The following POLR1B variants were observed in gnomAD, a reference collection of about 807,000 sequenced individuals.
POLR1B encodes the protein RNA polymerase I subunit B, also known as DNA-directed RNA polymerase I subunit RPA2.
A neutral mutation model predicts 105.8 loss-of-function variants in POLR1B; 30 were observed. That is an observed-to-expected ratio of 0.28 (90% CI 0.21 to 0.38). The LOEUF (loss-of-function observed/expected upper bound fraction) is 0.38, where lower values mean the gene tolerates loss of function less well. POLR1B is among the 10% of genes least tolerant of loss of function. The pLI is 1.00. For synonymous variants in POLR1B, 485 were observed against 505.1 expected (o/e 0.96, Z 0.53); for missense variants, 976 against 1,435.8 (o/e 0.68, Z 5.17).
intron 12 of POLR1B, among the ~76,000 whole-genome samples, chr2:112,571,929 G>A (rs1558665725): frequency 1.3e-5 from 2 of 152,190 alleles, no homozygotes; most frequent in Admixed American, 6.6e-5. Flanking sequence ...GGGGGTCTGC[G>A]TCTCATACTT....
Position 112,552,658 on chromosome 2 carries a change from A to G in POLR1B, c.1000A>G (p.Ile334Val), listed in dbSNP as rs769455541. ...CTGTTTTCACAGCCAGTGCATCTGT[A>G]TCCACTTGAAATCCAATACTGAAAA... ...AEFLFNQCIC[I>V]HLKSNTEKFY... is the part of the protein sequence containing the mutation. The change falls in exon 7 of 15, where the codon ATC (isoleucine) becomes GTC (valine). Residue 334 changes from isoleucine (I) to valine (V), a missense_variant. Ile to Val is a conservative substitution (Grantham distance 29). Transcript: ENST00000263331. 1 of 1,587,106 alleles carries G rather than the reference A, an allele frequency of 6.3e-7. No individual in the cohort carries two copies. The highest frequency in any genetic ancestry group is 2.3e-5 in the East Asian group (1 of 43,572).
At chr2:112,563,673 G>T (rs748565704) in intron 9 of POLR1B, among the ~76,000 whole-genome samples, 1 of 152,110 alleles carries the variant, frequency 6.6e-6, no homozygotes, top group African/African-American at 2.4e-5. Context: ...CAAGGCGAGA[G>T]GATTGCTTGA....
At position 112,573,651 on chromosome 2, in the gene POLR1B, A is replaced by C; in HGVS notation, c.2361A>C (p.Gln787His). 1 of 1,614,210 alleles carries C rather than the reference A, an allele frequency of 6.2e-7. No homozygotes were observed. The highest frequency in any genetic ancestry group is 8.5e-7 in the Non-Finnish European group (1 of 1,180,036). ...TAGACCTCTCTGAAAAAATTAAACA[A>C]GGAGATAGTAGCCTGGTGTTTGGCA... The part of the protein sequence containing the change: ...EFIDLSEKIK[Q>H]GDSSLVFGIK... Residue 787 changes from glutamine to histidine, a missense_variant, in exon 14 of 15, where the codon CAA becomes CAC. Physicochemically the swap from Gln to His is conservative, Grantham distance 24. Transcript: ENST00000263331.
At chr2:112,542,420 C>G (rs1279565448), upstream of POLR1B, 1 of 1,612,148 alleles carries the variant, frequency 6.2e-7, no homozygotes, top group Non-Finnish European at 8.5e-7. Context: ...ACTGCGGCCA[C>G]TACTTCCGGC....
intron 6 of POLR1B, 24 bp downstream of exon 6, chr2:112,552,022 T>C (rs573803113): frequency 1.9e-6 from 3 of 1,589,006 alleles, no homozygotes; most frequent in East Asian, 2.2e-5. Context: ...GTCTAAACTG[T>C]TTTTGGAGGG....
chr2:112,567,850 A>G, intron 10 of POLR1B, 117 bp from the exon 11 acceptor site: 1 of 826,716 alleles, frequency 1.2e-6, no homozygotes, highest in South Asian at 1.7e-5. Flanking sequence ...CACCCAAGGA[A>G]GTAGGGCTTT....
intron 14 of POLR1B, among the ~76,000 whole-genome samples, chr2:112,574,406 A>G (rs1684755697): frequency 6.6e-6 from 1 of 152,102 alleles, no homozygotes; most frequent in South Asian, 2.1e-4. Context: ...CTCTGTTTGT[A>G]TTGGAGAATA....
chr2:112,575,998 TCTC>T lies in POLR1B; in HGVS notation c.*272_*274del, dbSNP rs1161270415. 4.8e-6 allele frequency: 2 copies of T among 417,928 alleles called. No homozygotes were observed. The highest frequency in any genetic ancestry group is 4.4e-6 in the Non-Finnish European group (1 of 229,144). The allele number at this position is 417,928 out of a possible 1,614,324, so 25.9% of individuals were successfully genotyped here. On this transcript the variant is annotated 3_prime_UTR_variant, in exon 15 of 15. Transcript: ENST00000263331. This position sits in a 1 kb window ranked among gnomAD's most constrained non-coding sequence, Gnocchi z 5.3. ...AAATGGAAGAGCATACGGTGACAAG[TCTC>T]CTTTCCAACCCCAGGTTCCCTACAC...
chr2:112,575,656 T>A lies in POLR1B; in HGVS notation c.3335T>A (p.Val1112Glu), dbSNP rs1405134841. The part of the protein sequence containing the change: ...SRSDTIDTVS[V>E]PYVFRYFVAE... The stretch of plus-strand genomic sequence containing the variant: ...AGTGACACTATCGATACTGTTTCTG[T>A]GCCTTATGTTTTTCGGTATTTTGTA... The change falls in exon 15 of 15, where the codon GTG becomes GAG. Residue 1112 changes from valine (V) to glutamate (E), a missense_variant. Transcript: ENST00000263331. This position sits in a 1 kb window ranked among gnomAD's most constrained non-coding sequence, Gnocchi z 5.3. 1 of 1,614,038 alleles carries A rather than the reference T, an allele frequency of 6.2e-7. No homozygotes were observed. The highest frequency in any genetic ancestry group is 8.5e-7 in the Non-Finnish European group (1 of 1,180,034).
chr2:112,578,545 T>C lies in POLR1B; in HGVS notation c.*2816T>C, dbSNP rs1684965292. ...TACTCCATAGTATGAATATACTATG[T>C]ACATAGCATATATATTTATAGTTTA... On this transcript the variant is annotated 3_prime_UTR_variant, in exon 15 of 15. Transcript: ENST00000263331. Among the ~76,000 whole-genome samples, 1 of 152,186 alleles carries C rather than the reference T, an allele frequency of 6.6e-6. No individual in the cohort carries two copies. The highest frequency in any genetic ancestry group is 2.4e-5 in the African/African-American group (1 of 41,446).
intron 1 of POLR1B, among the ~76,000 whole-genome samples, chr2:112,543,590 T>C (rs2104498947): frequency 6.6e-6 from 1 of 152,072 alleles, no homozygotes. Context: ...TGTGGTTTTG[T>C]TGGGTAAGAT....
intron 9 of POLR1B, 56 bp downstream of exon 9, chr2:112,559,630 CTT>C: frequency 6.4e-7 from 1 of 1,565,466 alleles, no homozygotes; most frequent in South Asian, 1.2e-5. Context: ...TTTTTGTGTT[CTT>C]TTTGTTTGTT....
In POLR1B at chr2:112,547,106, C is replaced by A; in HGVS notation, c.272C>A (p.Thr91Asn). 2 of 1,614,134 alleles carry A rather than the reference C, an allele frequency of 1.2e-6. No individual in the cohort carries two copies. The highest frequency in any genetic ancestry group is 1.7e-6 in the Non-Finnish European group (2 of 1,180,022). Residue 91 changes from threonine (T) to asparagine (N), a missense_variant, in exon 2 of 15, where the codon ACC becomes AAC. Physicochemically the swap from Thr to Asn is moderately conservative, Grantham distance 65 (BLOSUM62 0). Coordinates refer to ENST00000263331, the MANE Select transcript of POLR1B (RefSeq NM_019014.6). Reference sequence around the variant, plus strand: ...AGTCCACCTACAGTTCCAAAAGGGACCATCTGCAAAGAGGCCAATGTTTAT... The same window carrying A: ...AGTCCACCTACAGTTCCAAAAGGGAACATCTGCAAAGAGGCCAATGTTTAT... The part of the protein sequence containing the change: ...VISPPTVPKG[T>N]ICKEANVYPA...
At chr2:112,553,782 C>T (rs535426818) in intron 7 of POLR1B, 1 of 152,204 alleles carries the variant, frequency 6.6e-6, no homozygotes, top group Admixed American at 6.5e-5. Flanking sequence ...CAGAGACTTG[C>T]AGGAACCCAG....
At chr2:112,546,185 T>C (rs1381687074) in intron 1 of POLR1B, among the ~76,000 whole-genome samples, 1 of 152,164 alleles carries the variant, frequency 6.6e-6, no homozygotes, top group Non-Finnish European at 1.5e-5. Flanking sequence ...TACAGAATGG[T>C]ACAAAGAAGT....
At chr2:112,547,362 T>C (rs1683111002) in intron 2 of POLR1B, 59 bp from the exon 3 acceptor site, 2 of 1,557,496 alleles carry the variant, frequency 1.3e-6, no homozygotes, top group African/African-American at 1.4e-5. Context: ...AAAATACTCA[T>C]TTGTTCTCGT....
intron 8 of POLR1B, 92 bp downstream of exon 8, chr2:112,558,173 C>A: frequency 9.5e-7 from 1 of 1,050,706 alleles, no homozygotes; most frequent in Non-Finnish European, 1.3e-6. Context: ...TAAAAGCAAA[C>A]CCCACGAAAA....
Position 112,561,004 on chromosome 2 carries a change from G to T in POLR1B, c.1612+1430G>T, listed in dbSNP as rs537703307. Among the ~76,000 whole-genome samples the T allele has an allele frequency of 8.6e-5, 13 of 151,964 alleles. No homozygotes were observed. In the East Asian group the frequency reaches 1.9e-3, roughly 23 times the overall value. Reference sequence around the variant, plus strand: ...CACTTGAATCCAGGAGGTGGAGGTTGCAGGGAACCAAGATTGCACCACTGC... The same window carrying T: ...CACTTGAATCCAGGAGGTGGAGGTTTCAGGGAACCAAGATTGCACCACTGC... On this transcript the variant is annotated intron_variant, in intron 9 of 14. Coordinates refer to ENST00000263331, the MANE Select transcript of POLR1B (RefSeq NM_019014.6).
At chr2:112,544,526 ATTAAAAATCT>A (rs1232960619) in intron 1 of POLR1B, among the ~76,000 whole-genome samples, 1 of 152,242 alleles carries the variant, frequency 6.6e-6, no homozygotes, top group Admixed American at 6.5e-5. Flanking sequence ...GAATTGCATT[ATTAAAAATCT>A]TTTTAATGTC....
Sources: allele counts gnomAD v4.1 joint callset (sites outside exome capture counted in the v4.1 genomes callset), GRCh38; gene constraint gnomAD v4.1.1; non-coding constraint Gnocchi (gnomAD v3.1); transcripts MANE v1.5; gene names NCBI Gene and HGNC (gene_info 2026-07-23, HGNC 2026-07-21).